Variants in DLG2 observed in about 807,000 individuals in gnomAD.
DLG2 encodes discs large MAGUK scaffold protein 2.
Under a neutral mutation model 132.5 loss-of-function variants are expected in DLG2, and 45 were observed. The ratio of observed to expected loss-of-function variants is 0.34; its 90% CI spans 0.27 to 0.44. The LOEUF is 0.44. Among genes scored for constraint, DLG2 ranks in the 20% least tolerant of loss-of-function variants. The pLI, the probability that DLG2 is intolerant of heterozygous loss-of-function variation, is 1.00. For missense variants in DLG2, 1,045 were observed against 1,196.9 expected (o/e 0.87, Z 1.87); for synonymous variants, 424 against 419.6 (o/e 1.01, Z -0.13).
At chr11:84,375,481 T>TA (rs977223227) in intron 7 of DLG2, among the ~76,000 whole-genome samples, 1 of 152,168 alleles carries the variant, frequency 6.6e-6, no homozygotes, top group Non-Finnish European at 1.5e-5. Flanking sequence ...TTTAGTTTTT[T>TA]ATACCTTAAT....
chr11:85,226,458 C>T (rs2074982452), intron 4 of DLG2, among the ~76,000 whole-genome samples: 1 of 152,050 alleles, frequency 6.6e-6, no homozygotes, highest in Admixed American at 6.6e-5. Flanking sequence ...GAAGCTGAGG[C>T]AGGAGGATCA....
chr11:85,464,170 G>A (rs2092707636), intron 3 of DLG2, among the ~76,000 whole-genome samples: 1 of 152,156 alleles, frequency 6.6e-6, no homozygotes, highest in Non-Finnish European at 1.5e-5. Context: ...TCATGGTGCA[G>A]AATCTTGTAC....
intron 22 of DLG2, among the ~76,000 whole-genome samples, chr11:83,473,754 C>T (rs765044235): frequency 6.6e-6 from 1 of 152,032 alleles, no homozygotes; most frequent in Non-Finnish European, 1.5e-5. Context: ...TGTATATCCT[C>T]ACCACCCACC....
chr11:85,395,364 T>C (rs1295944999), intron 3 of DLG2, among the ~76,000 whole-genome samples: 1 of 152,098 alleles, frequency 6.6e-6, no homozygotes, highest in Non-Finnish European at 1.5e-5. Context: ...GGTTTCTGCA[T>C]TTCCAAATGA....
At chr11:85,610,903 G>A (rs550154071) in intron 2 of DLG2, among the ~76,000 whole-genome samples, 2 of 152,298 alleles carry the variant, frequency 1.3e-5, no homozygotes, top group Non-Finnish European at 2.9e-5. Flanking sequence ...TGGATCCCCG[G>A]ATACAGCGAG....
chr11:84,399,899 C>T (rs1008292035), intron 7 of DLG2, among the ~76,000 whole-genome samples: 3 of 152,230 alleles, frequency 2.0e-5, no homozygotes, highest in Non-Finnish European at 4.4e-5. Context: ...TTTGGCTGTA[C>T]GTATGTCTAC....
chr11:84,535,917 C>T (rs2099354329), intron 6 of DLG2, among the ~76,000 whole-genome samples: 1 of 147,492 alleles, frequency 6.8e-6, no homozygotes, highest in Admixed American at 6.7e-5. Flanking sequence ...CCCAGTGTCC[C>T]ATTATTGTTA....
At chr11:84,218,489 T>G (rs1427526532) in intron 8 of DLG2, among the ~76,000 whole-genome samples, 1 of 152,136 alleles carries the variant, frequency 6.6e-6, no homozygotes, top group East Asian at 1.9e-4. Context: ...TATCTACATA[T>G]TACTGGGTGA....
intron 4 of DLG2, among the ~76,000 whole-genome samples, chr11:85,278,529 G>A (rs1164386890): frequency 6.6e-6 from 1 of 152,060 alleles, no homozygotes; most frequent in Non-Finnish European, 1.5e-5. Flanking sequence ...GAACCTGGGA[G>A]GTGGAGATTG....
chr11:84,461,715 G>A (rs1189135797), intron 7 of DLG2, among the ~76,000 whole-genome samples: 1 of 150,844 alleles, frequency 6.6e-6, no homozygotes, highest in East Asian at 1.9e-4. Flanking sequence ...AAGTTAACTG[G>A]CAGGGCTTCA....
intron 6 of DLG2, among the ~76,000 whole-genome samples, chr11:84,812,624 A>G (rs1389117952): frequency 2.6e-5 from 4 of 152,268 alleles, no homozygotes; most frequent in African/African-American, 9.6e-5. Context: ...CAGAGACCTA[A>G]GTGAGACAGA....
In DLG2 at chr11:84,097,071, T is replaced by C. The variant is rs151314946; in HGVS notation, c.749+1852A>G. On this transcript the variant is annotated intron_variant, in intron 10 of 27. Coordinates refer to ENST00000376104, the MANE Select transcript of DLG2 (RefSeq NM_001142699.3). ...GAAAAAACAGACTGAGGAAGTGCTATGAAGCTTACATTTCGCTCCTTAAGT... is the reference window on the plus strand; with the variant it reads ...GAAAAAACAGACTGAGGAAGTGCTACGAAGCTTACATTTCGCTCCTTAAGT... 1.1e-4 allele frequency among the ~76,000 whole-genome samples: 17 copies of C among 152,334 alleles called. No homozygotes were observed. In the East Asian group the frequency reaches 2.7e-3, roughly 24 times the overall value.
intron 9 of DLG2, among the ~76,000 whole-genome samples, chr11:84,126,777 T>C (rs144094093): frequency 1.4e-3 from 207 of 152,356 alleles, no homozygotes; most frequent in African/African-American, 4.7e-3. Context: ...ACAATTATTT[T>C]ATAAACTGAT....
At chr11:84,957,602 C>G (rs2051887207) in intron 6 of DLG2, among the ~76,000 whole-genome samples, 1 of 152,126 alleles carries the variant, frequency 6.6e-6, no homozygotes, top group African/African-American at 2.4e-5. Context: ...ATGGGTTACT[C>G]CCTCCTCTGT....
At chr11:84,210,688 CA>C (rs373590719) in intron 8 of DLG2, among the ~76,000 whole-genome samples, 29 of 152,080 alleles carry the variant, frequency 1.9e-4, no homozygotes, top group African/African-American at 6.5e-4. Context: ...GTTCTTGATA[CA>C]AATAACAATA....
At chr11:84,060,815 C>T (rs188009304) in intron 10 of DLG2, among the ~76,000 whole-genome samples, 5 of 142,718 alleles carry the variant, frequency 3.5e-5, no homozygotes, top group African/African-American at 9.8e-5. Context: ...TGCTTCTTTT[C>T]CCCCACCACC....
chr11:84,626,986 C>G (rs1257996368), intron 6 of DLG2, among the ~76,000 whole-genome samples: 1 of 151,938 alleles, frequency 6.6e-6, no homozygotes, highest in Non-Finnish European at 1.5e-5. Flanking sequence ...ATTCTCCTGC[C>G]CCAGTCTCCC....
intron 3 of DLG2, among the ~76,000 whole-genome samples, chr11:85,439,994 T>C (rs186138376): frequency 1.4e-4 from 21 of 152,298 alleles, no homozygotes; most frequent in African/African-American, 4.8e-4. Context: ...AATCAGACTG[T>C]CTGGATTTGA....
chr11:84,704,930 T>C (rs1451085132), intron 6 of DLG2, among the ~76,000 whole-genome samples: 1 of 148,646 alleles, frequency 6.7e-6, no homozygotes, highest in African/African-American at 2.4e-5. Context: ...TATATACACA[T>C]ATATATTATA....
Sources: allele counts gnomAD v4.1 joint callset (sites outside exome capture counted in the v4.1 genomes callset), GRCh38; gene constraint gnomAD v4.1.1; transcripts MANE v1.5; gene names NCBI Gene and HGNC (gene_info 2026-07-23, HGNC 2026-07-21).